Variants in EMSY observed in about 807,000 individuals in gnomAD.
EMSY encodes BRCA2-interacting transcriptional repressor EMSY.
A neutral mutation model predicts 134.6 loss-of-function variants in EMSY; 26 were observed. The observed-to-expected ratio is 0.19, with a 90% CI of 0.14 to 0.27. EMSY has a LOEUF of 0.27. EMSY is among the 10% of genes least tolerant of loss of function. The pLI, the probability that EMSY is intolerant of heterozygous loss-of-function variation, is 1.00. For synonymous variants in EMSY, 579 were observed against 577.8 expected, an observed-to-expected ratio of 1.00 and a Z score of -0.03; for missense variants, 1,305 against 1,611.4, an observed-to-expected ratio of 0.81 and a Z score of 3.26.
exon 21 of EMSY, chr11:76,550,298 C>T (rs997635253): frequency 2.0e-6 from 1 of 502,066 alleles, no homozygotes; most frequent in Non-Finnish European, 3.1e-6. Flanking sequence ...GCTGCAGGAG[C>T]AGCTTTTTAA....
At chr11:76,496,527 GT>G in intron 9 of EMSY, 58 bp downstream of exon 10, 4 of 1,575,200 alleles carry the variant, frequency 2.5e-6, no homozygotes, top group Non-Finnish European at 2.6e-6. Flanking sequence ...AGTTTTTTTA[GT>G]CTTCCAGTCC....
At chr11:76,475,029 G>C (rs1948723093) in intron 8 of EMSY, among the ~76,000 whole-genome samples, 1 of 152,138 alleles carries the variant, frequency 6.6e-6, no homozygotes, top group Admixed American at 6.5e-5. Context: ...CTACCAAGGT[G>C]CTGGGATTAC....
chr11:76,510,346 C>T (rs561441132), intron 9 of EMSY, among the ~76,000 whole-genome samples: 1 of 152,146 alleles, frequency 6.6e-6, no homozygotes, highest in South Asian at 2.1e-4. Flanking sequence ...CAAGACCTTG[C>T]CTAAAATTAA....
chr11:76,533,016 G>A (rs1422033061), intron 14 of EMSY, among the ~76,000 whole-genome samples: 1 of 151,784 alleles, frequency 6.6e-6, no homozygotes, highest in Non-Finnish European at 1.5e-5. Context: ...CCCTTTTTTT[G>A]CAGAACATCT....
intron 15 of EMSY, among the ~76,000 whole-genome samples, chr11:76,537,446 T>C (rs1399603970): frequency 6.6e-6 from 1 of 152,194 alleles, no homozygotes; most frequent in Non-Finnish European, 1.5e-5. Context: ...CCTTTGTTTT[T>C]AGGTTGATGA....
intron 9 of EMSY, among the ~76,000 whole-genome samples, chr11:76,505,362 ATTT>A (rs372496170): frequency 7.9e-6 from 1 of 126,782 alleles, no homozygotes. Context: ...CGCCCGGCTA[ATTT>A]TTTTTTTTTT....
At chr11:76,526,485 G>A in exon 13 of EMSY, 1 of 1,612,428 alleles carries the variant, frequency 6.2e-7, no homozygotes, top group Non-Finnish European at 8.5e-7. Context: ...TTCAGACAGT[G>A]CCAACAGGAG....
intron 8 of EMSY, among the ~76,000 whole-genome samples, chr11:76,489,901 G>A (rs75250432): frequency 1.6e-3 from 239 of 152,088 alleles, no homozygotes; most frequent in African/African-American, 5.6e-3. Flanking sequence ...CACCGTGCCC[G>A]GCCTACTTGA....
chr11:76,505,856 CA>C (rs1297798671), intron 9 of EMSY, among the ~76,000 whole-genome samples: 9 of 135,808 alleles, frequency 6.6e-5, no homozygotes, highest in Non-Finnish European at 8.0e-5. Context: ...GACTCTGTCT[CA>C]AAAAAAAAAG....
Position 76,450,797 on chromosome 11 carries a change from T to A in EMSY, c.71-1061T>A, listed in dbSNP as rs1256020556. On this transcript the variant is annotated intron_variant, in intron 2 of 20. Transcript: ENST00000334736. ...GTGAGCCATGAAGCCTGGCCAGATT[T>A]TTTTTTTTTTTTTTAAGACAGGATC... 4.1e-5 allele frequency among the ~76,000 whole-genome samples: 6 copies of A among 148,038 alleles called. No homozygotes were observed. In the South Asian group the frequency reaches 6.5e-4, roughly 16 times the overall value.
chr11:76,507,370 G>A (rs1330872151), intron 9 of EMSY, among the ~76,000 whole-genome samples: 1 of 152,146 alleles, frequency 6.6e-6, no homozygotes, highest in African/African-American at 2.4e-5. Flanking sequence ...AGATTTCTTT[G>A]TAGCATGGAA....
intron 14 of EMSY, among the ~76,000 whole-genome samples, chr11:76,532,004 T>G (rs1384759171): frequency 6.6e-6 from 1 of 152,178 alleles, no homozygotes; most frequent in Non-Finnish European, 1.5e-5. Context: ...CACCCTATTT[T>G]GAGACTTTCC....
chr11:76,522,587 C>G lies in EMSY; in HGVS notation c.1685-568C>G, dbSNP rs1950687902. On this transcript the variant is annotated intron_variant, in intron 11 of 20. Transcript: ENST00000334736. Reference sequence around the variant, plus strand: ...CTTTCACCAGGCTGATCTTGAACTCCTGACCTCTGGTGATCTGCCTGCGTC... The same window carrying G: ...CTTTCACCAGGCTGATCTTGAACTCGTGACCTCTGGTGATCTGCCTGCGTC... 2.0e-5 allele frequency among the ~76,000 whole-genome samples: 3 copies of G among 152,034 alleles called. No homozygotes were observed. The South Asian group carries it at 6.2e-4, about 31-fold the overall frequency.
chr11:76,463,701 C>A, intron 6 of EMSY, 120 bp from the exon 8 acceptor site: 1 of 1,025,652 alleles, frequency 9.7e-7, no homozygotes, highest in Non-Finnish European at 1.4e-6. Flanking sequence ...ATTGATAGAA[C>A]TTATTGGCTA....
chr11:76,469,209 A>G (rs1948477085), intron 7 of EMSY, among the ~76,000 whole-genome samples: 2 of 152,206 alleles, frequency 1.3e-5, no homozygotes, highest in South Asian at 4.1e-4. Flanking sequence ...AATATTTGGT[A>G]CAAGTGTGAA....
At chr11:76,470,088 A>G in intron 7 of EMSY, among the ~76,000 whole-genome samples, 1 of 152,206 alleles carries the variant, frequency 6.6e-6, no homozygotes, top group South Asian at 2.1e-4. Context: ...CTCAAAGTAT[A>G]TAATAACAAT....
chr11:76,550,088 G>C (rs770669555), exon 21 of EMSY: 1 of 1,613,816 alleles, frequency 6.2e-7, no homozygotes, highest in East Asian at 2.2e-5. Context: ...GACATAGACA[G>C]TAGCACGGAG....
chr11:76,539,700 G>A (rs2136634116), intron 17 of EMSY, 60 bp downstream of exon 18: 1 of 1,527,036 alleles, frequency 6.5e-7, no homozygotes, highest in South Asian at 1.1e-5. Context: ...GTTTTGGGGG[G>A]AACCGCTTAA....
At chr11:76,527,929 T>A (rs966349460) in intron 13 of EMSY, among the ~76,000 whole-genome samples, 1 of 152,246 alleles carries the variant, frequency 6.6e-6, no homozygotes, top group East Asian at 1.9e-4. Flanking sequence ...ACTCCTTGTG[T>A]CTTTTTGTTC....
Sources: gnomAD v4.1 joint callset for allele counts (sites outside exome capture counted in the v4.1 genomes callset) on GRCh38, gnomAD v4.1.1 for gene constraint, MANE v1.5 for transcripts, NCBI Gene and HGNC (gene_info 2026-07-23, HGNC 2026-07-21) for gene names.